The following SKP2 variants were observed in gnomAD, a reference collection of about 807,000 sequenced individuals.
SKP2 encodes the protein S-phase kinase-associated protein 2.
SKP2 carries 16 observed loss-of-function variants against 51.8 expected under a neutral mutation model. That is an observed-to-expected ratio of 0.31 (90% CI 0.21 to 0.47). The LOEUF is 0.47. Ranked by LOEUF, SKP2 falls within the 20% of genes least tolerant of loss-of-function variation. The probability of loss-of-function intolerance (pLI) is 1.00; values close to 1 mark genes in which losing one functional copy is unlikely to be tolerated. For missense variants in SKP2, 377 were observed against 505.3 expected (o/e 0.75, Z 2.43); for synonymous variants, 176 against 198.6 (o/e 0.89, Z 0.96).
At chr5:36,167,317 C>T (rs1340333799) in intron 4 of SKP2, among the ~76,000 whole-genome samples, 1 of 152,176 alleles carries the variant, frequency 6.6e-6, no homozygotes, top group African/African-American at 2.4e-5. Flanking sequence ...AGGACCGCCT[C>T]TCCCACTGCT....
rs776258999 is a variant in SKP2 at position 36,168,290 on chromosome 5, T to C, written c.537-23T>C. Reference sequence around the variant, plus strand: ...TACCCGTGAGAGCCACCTATGGAGCTCCTTTTTTCTCTCCGTGTTTAGCCC... The same window carrying C: ...TACCCGTGAGAGCCACCTATGGAGCCCCTTTTTTCTCTCCGTGTTTAGCCC... On this transcript the variant is annotated intron_variant, in intron 4 of 9. Coordinates refer to ENST00000274255, the MANE Select transcript of SKP2 (RefSeq NM_005983.4). The C allele has an allele frequency of 2.3e-5, 37 of 1,609,492 alleles. No homozygotes were observed. In the Admixed American group the frequency reaches 6.2e-4, roughly 27 times the overall value.
chr5:36,165,112 T>G (rs1343996025), intron 3 of SKP2, among the ~76,000 whole-genome samples: 1 of 152,256 alleles, frequency 6.6e-6, no homozygotes, highest in Non-Finnish European at 1.5e-5. Flanking sequence ...TGACATTTAT[T>G]AAGCACTTGC....
chr5:36,192,460 C>CACA (rs1172282070), intron 6 of SKP2: 1 of 152,106 alleles, frequency 6.6e-6, no homozygotes, highest in Non-Finnish European at 1.5e-5. Context: ...ACATTATTTT[C>CACA]ACAACTAAGC....
At chr5:36,185,071 G>A (rs1054860464), downstream of SKP2, among the ~76,000 whole-genome samples, 13 of 152,202 alleles carry the variant, frequency 8.5e-5, no homozygotes, top group Non-Finnish European at 1.9e-4. Flanking sequence ...CTTTTCAGAA[G>A]TGTCTGTTCA....
chr5:36,152,641 TA>T, intron 1 of SKP2, 129 bp from the exon 2 acceptor site: 4 of 991,952 alleles, frequency 4.0e-6, no homozygotes, highest in Non-Finnish European at 3.0e-6. Flanking sequence ...CGCAGGCACA[TA>T]AAAAATGCGA....
intron 9 of SKP2, 56 bp downstream of exon 9, chr5:36,177,348 C>A (rs1439200819): frequency 9.5e-7 from 1 of 1,052,534 alleles, no homozygotes; most frequent in Admixed American, 1.7e-5. Flanking sequence ...CAGAGATGCC[C>A]CTTGGTGTGA....
At chr5:36,189,562 A>G (rs1745986649) in intron 6 of SKP2, among the ~76,000 whole-genome samples, 1 of 152,176 alleles carries the variant, frequency 6.6e-6, no homozygotes, top group African/African-American at 2.4e-5. Context: ...AATGTTGCTG[A>G]CTGACCGTTC....
chr5:36,179,086 G>C (rs1251758065), intron 9 of SKP2, among the ~76,000 whole-genome samples: 2 of 151,960 alleles, frequency 1.3e-5, no homozygotes, highest in Non-Finnish European at 2.9e-5. Flanking sequence ...TTACAAGTCA[G>C]ACCACTAGAA....
intron 2 of SKP2, among the ~76,000 whole-genome samples, chr5:36,159,176 T>G (rs1456015471): frequency 6.6e-6 from 1 of 151,940 alleles, no homozygotes; most frequent in Non-Finnish European, 1.5e-5. Flanking sequence ...TCTGGAGGAG[T>G]TGGGAAGGCA....
intron 2 of SKP2, among the ~76,000 whole-genome samples, chr5:36,153,901 CCTGGGGTTATCAGTTTTTCTTA>C (rs1371402827): frequency 1.3e-5 from 2 of 152,098 alleles, no homozygotes; most frequent in East Asian, 3.9e-4. Flanking sequence ...AGGGCATTGA[CCTGGGGTTATCAGTTTTTCTTA>C]CTAGTAAGCT....
chr5:36,168,948 C>G (rs938330809), intron 5 of SKP2, among the ~76,000 whole-genome samples: 1 of 152,166 alleles, frequency 6.6e-6, no homozygotes, highest in African/African-American at 2.4e-5. Context: ...TTGAAGATAT[C>G]TAGGTAGGAG....
intron 7 of SKP2, among the ~76,000 whole-genome samples, chr5:36,174,459 G>T (rs1053052975): frequency 6.6e-6 from 1 of 152,056 alleles, no homozygotes; most frequent in Non-Finnish European, 1.5e-5. Context: ...TGGCTAGTTG[G>T]CTGGCTAGAT....
At chr5:36,172,207 G>C (rs1006648428) in intron 7 of SKP2, among the ~76,000 whole-genome samples, 2 of 152,202 alleles carry the variant, frequency 1.3e-5, no homozygotes, top group African/African-American at 4.8e-5. Flanking sequence ...CGGTGTATAG[G>C]ATGGAGAATA....
Position 36,181,855 on chromosome 5 carries a change from G to GT in SKP2, c.1104dup (p.Gly369TrpfsTer21). ...AATTCCCACACTAAAAACACTACAA[G>GT]TTTTTGGAATCGTGCCAGATGGTAC... On this transcript the variant is annotated frameshift_variant, in exon 10 of 10. Transcript: ENST00000274255. LOFTEE classifies it high-confidence loss of function. The GT allele has an allele frequency of 6.2e-7, 1 of 1,614,012 alleles. No homozygotes were observed. The highest frequency in any genetic ancestry group is 1.1e-5 in the South Asian group (1 of 91,074).
intron 7 of SKP2, among the ~76,000 whole-genome samples, chr5:36,175,656 T>C (rs2111999184): frequency 6.6e-6 from 1 of 152,096 alleles, no homozygotes; most frequent in African/African-American, 2.4e-5. Context: ...TATGTGTTTG[T>C]GTGTAAATGT....
At chr5:36,171,857 C>T (rs1265910648) in intron 7 of SKP2, 124 bp downstream of exon 7, 3 of 904,286 alleles carry the variant, frequency 3.3e-6, no homozygotes, top group Non-Finnish European at 4.9e-6. Context: ...TGTTAGTCCC[C>T]TTTTTCAGAT....
chr5:36,180,412 A>G, intron 9 of SKP2: 1 of 396,578 alleles, frequency 2.5e-6, no homozygotes. Context: ...TTGGTTATAT[A>G]CCTTTAGATC....
chr5:36,167,807 A>G (rs1318760245), intron 4 of SKP2, among the ~76,000 whole-genome samples: 1 of 152,084 alleles, frequency 6.6e-6, no homozygotes, highest in African/African-American at 2.4e-5. Context: ...TTTAGTAGAG[A>G]CTGGGTTTCA....
chr5:36,191,172 A>G (rs1224521552), intron 6 of SKP2, among the ~76,000 whole-genome samples: 1 of 152,172 alleles, frequency 6.6e-6, no homozygotes, highest in East Asian at 1.9e-4. Flanking sequence ...ATCTAGCAAC[A>G]AAAAGCTCTA....
Sources: allele counts gnomAD v4.1 joint callset (sites outside exome capture counted in the v4.1 genomes callset), GRCh38; gene constraint gnomAD v4.1.1; transcripts MANE v1.5; gene names NCBI Gene and HGNC (gene_info 2026-07-23, HGNC 2026-07-21).